Variants in NALF1 observed in about 807,000 individuals in gnomAD.
The protein encoded by NALF1 is family with sequence similarity 155 member A.
A neutral mutation model predicts 48.4 loss-of-function variants in NALF1; 3 were observed. That is an observed-to-expected ratio of 0.06 (90% CI 0.03 to 0.16). NALF1 has a LOEUF of 0.16. Among genes scored for constraint, NALF1 ranks in the 10% least tolerant of loss-of-function variants. NALF1 has a pLI of 1.00. For synonymous variants in NALF1, 262 were observed against 245.7 expected (o/e 1.07, Z -0.62); for missense variants, 526 against 571.5 (o/e 0.92, Z 0.81).
chr13:107,329,832 A>C (rs2138922832), intron 1 of NALF1, among the ~76,000 whole-genome samples: 1 of 152,160 alleles, frequency 6.6e-6, no homozygotes, highest in South Asian at 2.1e-4. Context: ...AAAGACATGA[A>C]CTCATCATTT....
chr13:107,491,450 A>G (rs1875108916), intron 1 of NALF1, among the ~76,000 whole-genome samples: 1 of 144,478 alleles, frequency 6.9e-6, no homozygotes, highest in Admixed American at 6.8e-5. Flanking sequence ...TTCGGGCTCC[A>G]CTCAGGGAGC....
chr13:107,250,159 T>C (rs531300987), intron 1 of NALF1, among the ~76,000 whole-genome samples: 1 of 151,752 alleles, frequency 6.6e-6, no homozygotes, highest in East Asian at 2.0e-4. Context: ...ACAGACGACA[T>C]AAATTCTTCA....
intron 1 of NALF1, among the ~76,000 whole-genome samples, chr13:107,410,664 C>A (rs1397829807): frequency 1.3e-5 from 2 of 152,056 alleles, no homozygotes; most frequent in East Asian, 1.9e-4. Flanking sequence ...TCAGGAAGAA[C>A]AATAAAGCAG....
rs1880739568 is a variant in NALF1 at position 107,253,191 on chromosome 13, A to G, written c.916-42436T>C. ...CTTCTTTCTTTTTTTTTTTTTTTGC[A>G]GTAATCCCTTCTTTCCTTGTTCCTT... On this transcript the variant is annotated intron_variant, in intron 1 of 2. Transcript: ENST00000375915. 3.4e-5 allele frequency among the ~76,000 whole-genome samples: 5 copies of G among 145,320 alleles called. No homozygotes were observed. In the South Asian group the frequency reaches 1.1e-3, roughly 32 times the overall value.
chr13:107,541,187 C>T (rs1055214665), intron 1 of NALF1, among the ~76,000 whole-genome samples: 6 of 152,046 alleles, frequency 3.9e-5, no homozygotes, highest in Admixed American at 3.9e-4. Flanking sequence ...AAGCTTGGAT[C>T]GTTACATGTC....
At chr13:107,514,250 A>G (rs1409170606) in intron 1 of NALF1, among the ~76,000 whole-genome samples, 3 of 152,194 alleles carry the variant, frequency 2.0e-5, no homozygotes, top group Non-Finnish European at 4.4e-5. Flanking sequence ...CTTTTGTTAC[A>G]GGGATCCTTC....
chr13:107,546,306 G>A (rs1877135320), intron 1 of NALF1, among the ~76,000 whole-genome samples: 1 of 152,156 alleles, frequency 6.6e-6, no homozygotes, highest in South Asian at 2.1e-4. Context: ...CTCAAGGCAG[G>A]AGGAATCAAT....
At chr13:107,382,132 T>C (rs944701897) in intron 1 of NALF1, among the ~76,000 whole-genome samples, 1 of 152,236 alleles carries the variant, frequency 6.6e-6, no homozygotes, top group Non-Finnish European at 1.5e-5. Context: ...CTGTGTTCAT[T>C]CTATTCTTTC....
chr13:107,588,548 T>G (rs962930590), intron 1 of NALF1, among the ~76,000 whole-genome samples: 3 of 152,104 alleles, frequency 2.0e-5, no homozygotes, highest in Non-Finnish European at 4.4e-5. Flanking sequence ...AGAGCCACAC[T>G]GGGCATTTCA....
chr13:107,697,509 A>C (rs1881725248), intron 1 of NALF1, among the ~76,000 whole-genome samples: 2 of 152,158 alleles, frequency 1.3e-5, no homozygotes, highest in Non-Finnish European at 2.9e-5. Context: ...TTTTTCACCT[A>C]TAATTAGTTT....
intron 1 of NALF1, among the ~76,000 whole-genome samples, chr13:107,806,913 T>A (rs1878808398): frequency 6.6e-6 from 1 of 152,194 alleles, no homozygotes; most frequent in African/African-American, 2.4e-5. Context: ...TAAATTACAT[T>A]TGCTGGTAGA....
intron 1 of NALF1, among the ~76,000 whole-genome samples, chr13:107,696,575 TG>T (rs1179749328): frequency 6.6e-6 from 1 of 151,876 alleles, no homozygotes; most frequent in Non-Finnish European, 1.5e-5. Context: ...TGTGTGTGTG[TG>T]TGTGTGTGTG....
chr13:107,668,946 A>G (rs1027013575), intron 1 of NALF1, among the ~76,000 whole-genome samples: 1 of 152,028 alleles, frequency 6.6e-6, no homozygotes, highest in Non-Finnish European at 1.5e-5. Context: ...ACACATCTTA[A>G]AAAAAAGATA....
At chr13:107,423,869 G>A (rs888271362) in intron 1 of NALF1, among the ~76,000 whole-genome samples, 1 of 152,112 alleles carries the variant, frequency 6.6e-6, no homozygotes, top group African/African-American at 2.4e-5. Flanking sequence ...AAAAGCTTTA[G>A]AATAATTCGC....
chr13:107,589,077 T>C (rs111704269), intron 1 of NALF1, among the ~76,000 whole-genome samples: 1 of 152,088 alleles, frequency 6.6e-6, no homozygotes, highest in Non-Finnish European at 1.5e-5. Flanking sequence ...TTTTTGTTTA[T>C]GGTTTTCCTT....
intron 1 of NALF1, among the ~76,000 whole-genome samples, chr13:107,469,001 T>A (rs1188605352): frequency 6.6e-6 from 1 of 152,128 alleles, no homozygotes; most frequent in Non-Finnish European, 1.5e-5. Flanking sequence ...CTCAATAAAA[T>A]TTTTGCCATA....
At chr13:107,609,939 G>A (rs1035911916) in intron 1 of NALF1, among the ~76,000 whole-genome samples, 5 of 152,142 alleles carry the variant, frequency 3.3e-5, no homozygotes, top group African/African-American at 1.2e-4. Flanking sequence ...AAAAACAAAT[G>A]ACAGGAGGAA....
chr13:107,351,491 T>C (rs1208779549), intron 1 of NALF1, among the ~76,000 whole-genome samples: 3 of 152,170 alleles, frequency 2.0e-5, no homozygotes, highest in Non-Finnish European at 2.9e-5. Context: ...AGGACTGCAG[T>C]AATGCAGATA....
chr13:107,713,361 G>T lies in NALF1; in HGVS notation c.915+152321C>A, dbSNP rs569955737. On this transcript the variant is annotated intron_variant, in intron 1 of 2. Coordinates refer to ENST00000375915, the MANE Select transcript of NALF1 (RefSeq NM_001080396.3). The stretch of plus-strand genomic sequence containing the variant: ...CCCTCTATCCTGTTTTAAGGGCTCT[G>T]ATATTTTTTACTGAATATAATGATA... 5.9e-5 allele frequency among the ~76,000 whole-genome samples: 9 copies of T among 152,216 alleles called. 1 individual carries two copies. In the South Asian group the frequency reaches 1.9e-3, roughly 32 times the overall value.
Sources: allele counts gnomAD v4.1 joint callset (sites outside exome capture counted in the v4.1 genomes callset), GRCh38; gene constraint gnomAD v4.1.1; transcripts MANE v1.5; gene names NCBI Gene and HGNC (gene_info 2026-07-23, HGNC 2026-07-21).